Variants in CTNNA3 observed in about 807,000 individuals in gnomAD.
CTNNA3 encodes catenin alpha 3, also known as catenin alpha-3.
A neutral mutation model predicts 95.7 loss-of-function variants in CTNNA3; 76 were observed. The observed-to-expected ratio is 0.79, with a 90% CI of 0.66 to 0.96. The LOEUF (loss-of-function observed/expected upper bound fraction) is 0.96, where lower values mean the gene tolerates loss of function less well. Ranked by LOEUF, CTNNA3 falls within the 40% of genes least tolerant of loss-of-function variation. CTNNA3 has a pLI of 0.00. For synonymous variants in CTNNA3, 431 were observed against 374.4 expected (o/e 1.15, Z -1.74); for missense variants, 1,191 against 1,089.8 (o/e 1.09, Z -1.31).
chr10:66,078,882 A>G (rs189723830), intron 14 of CTNNA3: 3 of 152,040 alleles, frequency 2.0e-5, no homozygotes, highest in Admixed American at 2.0e-4. Context: ...ATTCACAAGA[A>G]TGCCTTTAAG....
chr10:67,147,110 C>G (rs2132056670), intron 7 of CTNNA3, among the ~76,000 whole-genome samples: 1 of 152,290 alleles, frequency 6.6e-6, no homozygotes, highest in African/African-American at 2.4e-5. Flanking sequence ...TATACATCCA[C>G]CTCTTTCTAC....
chr10:65,925,612 T>C (rs1406504164), intron 17 of CTNNA3, among the ~76,000 whole-genome samples: 1 of 152,112 alleles, frequency 6.6e-6, no homozygotes, highest in African/African-American at 2.4e-5. Context: ...AATTTTTCTG[T>C]TTTTAGTAGA....
At chr10:66,692,058 C>T (rs1329844655) in intron 9 of CTNNA3, among the ~76,000 whole-genome samples, 1 of 152,208 alleles carries the variant, frequency 6.6e-6, no homozygotes. Context: ...CAGAGCGCCT[C>T]TCCTCCTCCA....
intron 17 of CTNNA3, among the ~76,000 whole-genome samples, chr10:65,940,564 T>C (rs1240411473): frequency 1.3e-5 from 2 of 152,212 alleles, no homozygotes; most frequent in Non-Finnish European, 2.9e-5. Context: ...AGTAGTAAAA[T>C]ATTTATTCAG....
chr10:67,319,825 G>A (rs1232556493), intron 5 of CTNNA3, among the ~76,000 whole-genome samples: 1 of 151,442 alleles, frequency 6.6e-6, no homozygotes, highest in Non-Finnish European at 1.5e-5. Flanking sequence ...GAACCTGGGA[G>A]GTGGAGGTTC....
chr10:66,109,225 G>T (rs1589427557), intron 13 of CTNNA3, among the ~76,000 whole-genome samples: 1 of 152,286 alleles, frequency 6.6e-6, no homozygotes, highest in Admixed American at 6.5e-5. Context: ...ATGTCTCATT[G>T]GCAACCAGTG....
intron 6 of CTNNA3, among the ~76,000 whole-genome samples, chr10:67,192,641 A>T (rs1863170901): frequency 6.6e-6 from 1 of 151,972 alleles, no homozygotes; most frequent in Admixed American, 6.6e-5. Flanking sequence ...GAACTTTTGC[A>T]CACTGCTGGT....
chr10:66,297,374 A>G lies in CTNNA3; in HGVS notation c.1733-16753T>C, dbSNP rs142744457. Among the ~76,000 whole-genome samples, 1,176 of 152,256 alleles carry G rather than the reference A, an allele frequency of 7.7e-3. 10 individuals are homozygous for G. Among genetic ancestry groups the G allele is most frequent in the African/African-American group, 0.023 (937 of 41,552 alleles). On this transcript the variant is annotated intron_variant, in intron 12 of 17. Coordinates refer to ENST00000433211, the MANE Select transcript of CTNNA3 (RefSeq NM_013266.4). Reference sequence around the variant, plus strand: ...ACAATTTAAAATAATTTCTGGGAAAATTATGGGACTATATACATGGAAAGA... The same window carrying G: ...ACAATTTAAAATAATTTCTGGGAAAGTTATGGGACTATATACATGGAAAGA...
Position 66,616,255 on chromosome 10 carries a change from T to G in CTNNA3, c.1374+5437A>C, listed in dbSNP as rs141060249. Among the ~76,000 whole-genome samples, 592 of 152,184 alleles carry G rather than the reference T, an allele frequency of 3.9e-3. 5 individuals carry two copies. The highest frequency in any genetic ancestry group is 6.7e-3 in the Non-Finnish European group (455 of 67,966). On this transcript the variant is annotated intron_variant, in intron 10 of 17. Coordinates refer to ENST00000433211, the MANE Select transcript of CTNNA3 (RefSeq NM_013266.4). ...GGTCAACTAGTCACTCTCCTTGTGT[T>G]AAATGTCTGCAGTGTTGAGAAACTC...
intron 9 of CTNNA3, among the ~76,000 whole-genome samples, chr10:66,668,770 C>A (rs1482235944): frequency 6.6e-6 from 1 of 151,944 alleles, no homozygotes; most frequent in African/African-American, 2.4e-5. Flanking sequence ...TGAGATGGCA[C>A]CACTGCACTC....
chr10:66,526,427 T>C (rs1841263205), intron 10 of CTNNA3, among the ~76,000 whole-genome samples: 1 of 152,166 alleles, frequency 6.6e-6, no homozygotes, highest in South Asian at 2.1e-4. Flanking sequence ...GCTCAGGTGA[T>C]CTACTGGCCT....
intron 16 of CTNNA3, among the ~76,000 whole-genome samples, chr10:65,971,482 A>ATAT (rs778920830): frequency 1.3e-4 from 19 of 151,744 alleles, no homozygotes; most frequent in Non-Finnish European, 2.4e-4. Flanking sequence ...AGAAGTTATA[A>ATAT]AAGTGACATT....
chr10:66,199,799 ATATATATTTTTT>A (rs1564756453), intron 13 of CTNNA3, among the ~76,000 whole-genome samples: 21 of 13,832 alleles, frequency 1.5e-3, no homozygotes, highest in African/African-American at 5.6e-3. Flanking sequence ...ATATATATAT[ATATATATTTTTT>A]TTTTTTTTTT....
At chr10:67,443,911 A>G (rs1284896429) in intron 5 of CTNNA3, among the ~76,000 whole-genome samples, 1 of 152,132 alleles carries the variant, frequency 6.6e-6, no homozygotes, top group Non-Finnish European at 1.5e-5. Context: ...GTTTTCTTCT[A>G]GGGTTTTTAT....
chr10:66,893,839 G>A (rs960861270), intron 7 of CTNNA3, among the ~76,000 whole-genome samples: 2 of 152,124 alleles, frequency 1.3e-5, no homozygotes, highest in Non-Finnish European at 2.9e-5. Flanking sequence ...CTGAGTCCAA[G>A]GAAGTCCTTC....
intron 7 of CTNNA3, among the ~76,000 whole-genome samples, chr10:67,009,598 C>G (rs894040375): frequency 2.6e-5 from 4 of 151,806 alleles, no homozygotes; most frequent in African/African-American, 9.7e-5. Flanking sequence ...AATTTTTATC[C>G]TAATCTTCCA....
intron 13 of CTNNA3, among the ~76,000 whole-genome samples, chr10:66,146,534 A>G (rs2083895108): frequency 6.6e-6 from 1 of 152,136 alleles, no homozygotes; most frequent in Non-Finnish European, 1.5e-5. Flanking sequence ...CACTCTGTTA[A>G]TAAAGCATGT....
intron 7 of CTNNA3, among the ~76,000 whole-genome samples, chr10:66,826,596 G>C (rs553617061): frequency 3.9e-5 from 6 of 152,116 alleles, no homozygotes; most frequent in Non-Finnish European, 8.8e-5. Flanking sequence ...CCAAAAGTAA[G>C]CTCCAAACAA....
chr10:67,726,147 ATAT>A (rs1429077327), intron 1 of CTNNA3, among the ~76,000 whole-genome samples: 1 of 106,846 alleles, frequency 9.4e-6, no homozygotes, highest in Non-Finnish European at 1.7e-5. Context: ...ATTATATTAT[ATAT>A]TATAATATAT....
Sources: gnomAD v4.1 joint callset for allele counts (sites outside exome capture counted in the v4.1 genomes callset) on GRCh38, gnomAD v4.1.1 for gene constraint, MANE v1.5 for transcripts, NCBI Gene and HGNC (gene_info 2026-07-23, HGNC 2026-07-21) for gene names.